Variants in ACAP2 observed in about 807,000 individuals in gnomAD.
ACAP2 encodes the protein arf-GAP with coiled-coil, ANK repeat and PH domain-containing protein 2.
Under a neutral mutation model 115.8 loss-of-function variants are expected in ACAP2, and 39 were observed. That is an observed-to-expected ratio of 0.34 (90% CI 0.26 to 0.44). The LOEUF (loss-of-function observed/expected upper bound fraction) is 0.44. Ranked by LOEUF, ACAP2 falls within the 20% of genes least tolerant of loss-of-function variation. The pLI is 1.00. For missense variants in ACAP2, 662 were observed against 927.6 expected, an observed-to-expected ratio of 0.71 and a Z score of 3.72; for synonymous variants, 289 against 315.8, an observed-to-expected ratio of 0.92 and a Z score of 0.90.
intron 7 of ACAP2, among the ~76,000 whole-genome samples, chr3:195,335,180 A>G (rs1423169215): frequency 6.6e-6 from 1 of 152,204 alleles, no homozygotes; most frequent in Admixed American, 6.5e-5. Context: ...ATTCATTTAC[A>G]TACTGTCTCT....
chr3:195,289,336 ATTC>A, intron 20 of ACAP2, 105 bp from the exon 21 acceptor site: 2 of 758,610 alleles, frequency 2.6e-6, no homozygotes, highest in Non-Finnish European at 4.4e-6. Context: ...TCATTAGGAA[ATTC>A]TTGATTCATT....
At chr3:195,358,056 G>A (rs1732104113) in intron 4 of ACAP2, among the ~76,000 whole-genome samples, 1 of 152,172 alleles carries the variant, frequency 6.6e-6, no homozygotes, top group Non-Finnish European at 1.5e-5. Flanking sequence ...TGGGGATTAT[G>A]GGGATTACAA....
Position 195,413,607 on chromosome 3 carries a change from G to A in ACAP2, c.54-21460C>T, listed in dbSNP as rs150852758. 6.4e-4 allele frequency among the ~76,000 whole-genome samples: 97 copies of A among 152,092 alleles called. 1 individual carries two copies. Among genetic ancestry groups the A allele is most frequent in the Admixed American group, 2.9e-3 (45 of 15,272 alleles). ...CTACGAAAAATACAAAAAATTAGGCGGGTGTGGTGGTGCACCTGCAATCCC... is the reference window on the plus strand; with the variant it reads ...CTACGAAAAATACAAAAAATTAGGCAGGTGTGGTGGTGCACCTGCAATCCC... On this transcript the variant is annotated intron_variant, in intron 1 of 22. Coordinates refer to ENST00000326793, the MANE Select transcript of ACAP2 (RefSeq NM_012287.6).
intron 2 of ACAP2, among the ~76,000 whole-genome samples, chr3:195,388,724 A>G (rs113699956): frequency 6.9e-4 from 105 of 152,322 alleles, no homozygotes; most frequent in African/African-American, 2.4e-3. Context: ...ATAATAGTTA[A>G]TAGATTAACA....
At position 195,410,161 on chromosome 3, in the gene ACAP2, T is replaced by C. The variant is rs190381625; in HGVS notation, c.54-18014A>G. 2.0e-3 allele frequency among the ~76,000 whole-genome samples: 300 copies of C among 152,228 alleles called. 1 individual carries two copies. The highest frequency in any genetic ancestry group is 3.4e-3 in the Middle Eastern group (1 of 294). ...ATTTTTGTCAAGAGTATCACTACAA[T>C]GCAATGGGGAAAAGTCAGTCCTTTC... On this transcript the variant is annotated intron_variant, in intron 1 of 22. Coordinates refer to ENST00000326793, the MANE Select transcript of ACAP2 (RefSeq NM_012287.6).
chr3:195,282,246 G>GTA (rs1239946483), intron 22 of ACAP2: 1 of 152,130 alleles, frequency 6.6e-6, no homozygotes, highest in African/African-American at 2.4e-5. Flanking sequence ...TAGAACCATT[G>GTA]TACCATGCAA....
chr3:195,401,304 G>A (rs1712269499), intron 1 of ACAP2, among the ~76,000 whole-genome samples: 1 of 152,106 alleles, frequency 6.6e-6, no homozygotes, highest in African/African-American at 2.4e-5. Context: ...AAGTTATTCT[G>A]CATTACATCT....
chr3:195,306,994 G>A (rs1352898507), intron 12 of ACAP2: 2 of 395,236 alleles, frequency 5.1e-6, no homozygotes, highest in Non-Finnish European at 9.0e-6. Flanking sequence ...ACTTTCATAT[G>A]AGCCCATAAA....
chr3:195,348,610 T>C (rs996906526), intron 4 of ACAP2, among the ~76,000 whole-genome samples: 3 of 152,090 alleles, frequency 2.0e-5, no homozygotes, highest in African/African-American at 7.2e-5. Context: ...TAAGAATACA[T>C]AGGAAGGAAA....
intron 1 of ACAP2, among the ~76,000 whole-genome samples, chr3:195,430,087 G>A (rs932596540): frequency 1.3e-5 from 2 of 152,138 alleles, no homozygotes; most frequent in Non-Finnish European, 2.9e-5. Context: ...AAAAGGACAG[G>A]TCCAAAACAG....
chr3:195,336,870 T>G lies in ACAP2; in HGVS notation c.573+62A>C, dbSNP rs1730540954. On this transcript the variant is annotated intron_variant, in intron 7 of 22. Transcript: ENST00000326793. The stretch of plus-strand genomic sequence containing the variant: ...ATATAGCAGATGCTCTTTCAACACC[T>G]AAATACGTACATTTAGTTTCATATT... 6.7e-6 allele frequency: 9 copies of G among 1,342,732 alleles called. No homozygotes were observed. In the East Asian group the frequency reaches 1.4e-4, roughly 21 times the overall value. 83.2% of individuals were successfully genotyped at this position (1,342,732 alleles called of 1,614,324 possible). A position where few individuals can be genotyped will look rare whatever the true frequency, so the allele number is the denominator to read the frequency against.
chr3:195,434,687 C>T (rs1273935829), intron 1 of ACAP2, among the ~76,000 whole-genome samples: 1 of 152,226 alleles, frequency 6.6e-6, no homozygotes, highest in African/African-American at 2.4e-5. Context: ...CATCTTTGAA[C>T]ACTTGATAGA....
chr3:195,403,265 C>A (rs546900585), intron 1 of ACAP2, among the ~76,000 whole-genome samples: 1 of 152,218 alleles, frequency 6.6e-6, no homozygotes, highest in East Asian at 1.9e-4. Context: ...GAGAGAGCTG[C>A]GGAAGAAGTC....
At chr3:195,427,636 G>T (rs887691729) in intron 1 of ACAP2, among the ~76,000 whole-genome samples, 20 of 152,106 alleles carry the variant, frequency 1.3e-4, no homozygotes, top group African/African-American at 4.8e-4. Flanking sequence ...TAGGCCGGAC[G>T]CAGTGGCTCA....
intron 15 of ACAP2, among the ~76,000 whole-genome samples, chr3:195,299,921 C>T (rs751347535): frequency 6.6e-6 from 1 of 151,492 alleles, no homozygotes. Context: ...CAATATACTA[C>T]GATTAAAATT....
intron 8 of ACAP2, among the ~76,000 whole-genome samples, chr3:195,329,756 T>C (rs1730047620): frequency 6.6e-6 from 1 of 152,190 alleles, no homozygotes; most frequent in South Asian, 2.1e-4. Flanking sequence ...CTTAACTTTC[T>C]AATAATGGAA....
Position 195,276,231 on chromosome 3 carries a change from T to C in ACAP2, c.*3097A>G, listed in dbSNP as rs1290563399. The C allele has an allele frequency of 2.0e-5, 3 of 152,320 alleles. No homozygotes were observed. Among genetic ancestry groups the C allele is most frequent in the Non-Finnish European group, 4.4e-5 (3 of 68,034 alleles). The allele number at this position is 152,320 out of a possible 1,614,324, so 9.4% of individuals were successfully genotyped here. Reference sequence around the variant, plus strand: ...CACTCATGAAGAACCAAAGTTCATATTCCAAATTAAATCTGTATGTCTGGA... The same window carrying C: ...CACTCATGAAGAACCAAAGTTCATACTCCAAATTAAATCTGTATGTCTGGA... On this transcript the variant is annotated 3_prime_UTR_variant, in exon 23 of 23. Coordinates refer to ENST00000326793, the MANE Select transcript of ACAP2 (RefSeq NM_012287.6).
intron 4 of ACAP2, among the ~76,000 whole-genome samples, chr3:195,358,244 T>C (rs1732119827): frequency 1.3e-5 from 2 of 152,152 alleles, no homozygotes; most frequent in Admixed American, 1.3e-4. Context: ...AATACTTGGA[T>C]AGCCTTCTCA....
At chr3:195,382,174 T>C in intron 2 of ACAP2, 152 bp from the exon 3 acceptor site, 1 of 754,884 alleles carries the variant, frequency 1.3e-6, no homozygotes, top group South Asian at 2.0e-5. Flanking sequence ...AAGTATTCTT[T>C]TTTCCTTCAG....
Sources: gnomAD v4.1 joint callset for allele counts (sites outside exome capture counted in the v4.1 genomes callset) on GRCh38, gnomAD v4.1.1 for gene constraint, MANE v1.5 for transcripts, NCBI Gene and HGNC (gene_info 2026-07-23, HGNC 2026-07-21) for gene names.